ADAMTS16: variants seen among roughly 807,000 people sequenced by gnomAD.
ADAMTS16 encodes the protein ADAM metallopeptidase with thrombospondin type 1 motif 16.
ADAMTS16 carries 94 observed loss-of-function variants against 145.8 expected under a neutral mutation model. That is an observed-to-expected ratio of 0.64 (90% CI 0.55 to 0.77). The LOEUF (loss-of-function observed/expected upper bound fraction) is 0.77, where lower values mean the gene tolerates loss of function less well. ADAMTS16 is among the 30% of genes least tolerant of loss of function. ADAMTS16 has a pLI of 0.00. For synonymous variants in ADAMTS16, 659 were observed against 604.3 expected (o/e 1.09, Z -1.33); for missense variants, 1,585 against 1,591.5 (o/e 1.00, Z 0.07).
rs201095916 is a variant in ADAMTS16 at position 5,235,020 on chromosome 5, G to A, written c.1857G>A (p.Ser619=). Residue 619 remains serine, a synonymous_variant, in exon 13 of 23, where the codon TCG becomes TCA. Transcript: ENST00000274181. ...TTCAAAATACACATTCCAGGCCATC[G>A]CATGGAGGGAAGTTCTGTGAGGGCT... ...RSRLCTNPKP[S]HGGKFCEGST... is the part of the protein sequence containing the mutation. 2.1e-4 allele frequency: 323 copies of A among 1,569,552 alleles called. 4 individuals carry two copies. The Middle Eastern group carries it at 4.6e-3, about 22-fold the overall frequency.
In ADAMTS16 at chr5:5,200,019, C is replaced by T. The variant is rs372242327; in HGVS notation, c.1314-113C>T. Reference sequence around the variant, plus strand: ...GTGACTTTTATTTTTGCCTGCCTAGCATATAGGGGTGAGGGAGTCTCACAG... The same window carrying T: ...GTGACTTTTATTTTTGCCTGCCTAGTATATAGGGGTGAGGGAGTCTCACAG... On this transcript the variant is annotated intron_variant, in intron 8 of 22. Transcript: ENST00000274181. 2.3e-4 allele frequency: 292 copies of T among 1,260,910 alleles called. 4 individuals are homozygous for T. The African/African-American group carries it at 3.4e-3, about 15-fold the overall frequency. The allele number at this position is 1,260,910 out of a possible 1,614,324, so 78.1% of individuals were successfully genotyped here. A position where few individuals can be genotyped will look rare whatever the true frequency, so the allele number is the denominator to read the frequency against.
intron 14 of ADAMTS16, among the ~76,000 whole-genome samples, chr5:5,237,497 G>A (rs1402951638): frequency 6.6e-6 from 1 of 152,204 alleles, no homozygotes; most frequent in Non-Finnish European, 1.5e-5. Context: ...CAGAGGGAAA[G>A]TGGGGGACTG....
chr5:5,188,957 C>G (rs925863935), intron 6 of ADAMTS16, among the ~76,000 whole-genome samples: 1 of 152,198 alleles, frequency 6.6e-6, no homozygotes, highest in African/African-American at 2.4e-5. Flanking sequence ...TGATCGTACA[C>G]CTGTGTTAAC....
At chr5:5,251,423 A>T (rs946819505) in intron 17 of ADAMTS16, among the ~76,000 whole-genome samples, 1 of 152,226 alleles carries the variant, frequency 6.6e-6, no homozygotes, top group Non-Finnish European at 1.5e-5. Context: ...ACAGACTATA[A>T]ACAAATAATG....
chr5:5,174,108 C>G (rs1442867952), intron 3 of ADAMTS16, among the ~76,000 whole-genome samples: 1 of 152,190 alleles, frequency 6.6e-6, no homozygotes, highest in East Asian at 1.9e-4. Flanking sequence ...GAAGAATTCT[C>G]TTTATCATTT....
At position 5,306,670 on chromosome 5, in the gene ADAMTS16, C is replaced by A. The variant is rs1258193173; in HGVS notation, c.3353C>A (p.Pro1118His). The A allele has an allele frequency of 2.5e-6, 4 of 1,614,088 alleles. 1 individual carries two copies. The highest frequency in any genetic ancestry group is 1.7e-4 in the Middle Eastern group (1 of 6,010). The part of the protein sequence containing the change: ...ACAPLPCPRH[P>H]PFAAAGPSRG... ...GCCCCGCTTCCATGCCCCAGGCACCCCCCATTTGCTGCTGCGGGACCCTCG... is the reference window on the plus strand; with the variant it reads ...GCCCCGCTTCCATGCCCCAGGCACCACCCATTTGCTGCTGCGGGACCCTCG... The change falls in exon 21 of 23, where the codon CCC (proline) becomes CAC (histidine). Residue 1118 changes from proline to histidine, a missense_variant. Physicochemically the swap from Pro to His is moderately conservative, Grantham distance 77. Coordinates refer to ENST00000274181, the MANE Select transcript of ADAMTS16 (RefSeq NM_139056.4).
chr5:5,305,765 G>A (rs62340883), intron 20 of ADAMTS16, among the ~76,000 whole-genome samples: 16,726 of 152,232 alleles, frequency 0.11, 1,075 homozygotes, highest in Non-Finnish European at 0.15. Flanking sequence ...CACTGGAGCT[G>A]CACAGCATCG....
intron 17 of ADAMTS16, among the ~76,000 whole-genome samples, chr5:5,258,466 A>G (rs1176669499): frequency 6.6e-6 from 1 of 152,260 alleles, no homozygotes; most frequent in Admixed American, 6.5e-5. Context: ...GCTGAAATCC[A>G]GAAGCACAGC....
intron 3 of ADAMTS16, among the ~76,000 whole-genome samples, chr5:5,172,254 G>T (rs1735061319): frequency 6.6e-6 from 1 of 151,274 alleles, no homozygotes. Context: ...ATCTATTTTG[G>T]CTCTGATCTT....
chr5:5,173,266 G>C lies in ADAMTS16; in HGVS notation c.502-8778G>C, dbSNP rs1446887314. Among the ~76,000 whole-genome samples, 6 of 150,980 alleles carry C rather than the reference G, an allele frequency of 4.0e-5. No individual in the cohort carries two copies. In the East Asian group the frequency reaches 1.2e-3, roughly 29 times the overall value. ...TTACATTCAATTTTATTATTGATAA[G>C]TAAGGACTTACTCCTGCTATTTTGT... is the stretch of plus-strand genomic sequence containing the variant. On this transcript the variant is annotated intron_variant, in intron 3 of 22. Transcript: ENST00000274181.
chr5:5,292,364 G>A (rs1365953299), intron 18 of ADAMTS16, among the ~76,000 whole-genome samples: 1 of 152,008 alleles, frequency 6.6e-6, no homozygotes, highest in African/African-American at 2.4e-5. Flanking sequence ...GGGCATGGAG[G>A]TGCACGCCTG....
intron 21 of ADAMTS16, among the ~76,000 whole-genome samples, chr5:5,314,067 T>C (rs1733936748): frequency 6.6e-6 from 1 of 152,178 alleles, no homozygotes; most frequent in African/African-American, 2.4e-5. Flanking sequence ...ACGTCGGTTA[T>C]GTGGACAGCA....
chr5:5,189,995 G>A lies in ADAMTS16; in HGVS notation c.1072G>A (p.Ala358Thr), dbSNP rs1460464165. The change falls in exon 7 of 23, where the codon GCA (alanine) becomes ACA (threonine). Residue 358 changes from alanine to threonine, a missense_variant. Transcript: ENST00000274181. ...EQPGLVISHH[A>T]DHTLSSFCQW... ...GCCAGGACTGGTGATAAGTCACCAC[G>A]CAGACCACACCTTAAGTAGCTTCTG... 8.7e-6 allele frequency: 14 copies of A among 1,610,754 alleles called. No individual in the cohort carries two copies. The East Asian group carries it at 1.1e-4, about 13-fold the overall frequency.
Position 5,237,012 on chromosome 5 carries a change from T to C in ADAMTS16, c.2067T>C (p.Asp689=). The stretch of plus-strand genomic sequence containing the variant: ...TCTACTGTATCGCAGAAGGATTTGA[T>C]TTCTTCTTTTCTTTGTCAAATAAAG... ...CKLYCIAEGF[D]FFFSLSNKVK... Residue 689 remains aspartate, a synonymous_variant, in exon 14 of 23, where the codon GAT becomes GAC. Transcript: ENST00000274181. 1 of 1,614,050 alleles carries C rather than the reference T, an allele frequency of 6.2e-7. No homozygotes were observed. The highest frequency in any genetic ancestry group is 8.5e-7 in the Non-Finnish European group (1 of 1,179,978).
Position 5,239,860 on chromosome 5 carries a change from C to A in ADAMTS16, c.2458C>A (p.Arg820=), listed in dbSNP as rs747638541. ...KFSGTTFDYR[R]SYNEPENLIA... ...TTCGGGCACTACTTTCGACTACAGA[C>A]GGTCCTATAATGAGCCCGAGAACTT... Residue 820 remains arginine, a synonymous_variant, in exon 16 of 23, where the codon CGG becomes AGG. Coordinates refer to ENST00000274181, the MANE Select transcript of ADAMTS16 (RefSeq NM_139056.4). 4.3e-6 allele frequency: 7 copies of A among 1,614,092 alleles called. No individual in the cohort carries two copies. Among genetic ancestry groups the A allele is most frequent in the South Asian group, 3.3e-5 (3 of 91,066 alleles).
intron 11 of ADAMTS16, among the ~76,000 whole-genome samples, chr5:5,227,235 G>A (rs2126358006): frequency 6.6e-6 from 1 of 152,330 alleles, no homozygotes; most frequent in African/African-American, 2.4e-5. Flanking sequence ...CTGCTCCCCT[G>A]CATCTACTGC....
At chr5:5,227,988 GA>G (rs1271979999) in intron 11 of ADAMTS16, among the ~76,000 whole-genome samples, 1 of 152,124 alleles carries the variant, frequency 6.6e-6, no homozygotes, top group Non-Finnish European at 1.5e-5. Flanking sequence ...ACGTAGGATG[GA>G]AAAAATTCTG....
At chr5:5,215,864 G>A (rs1294602567) in intron 10 of ADAMTS16, among the ~76,000 whole-genome samples, 22 of 57,990 alleles carry the variant, frequency 3.8e-4, no homozygotes, top group African/African-American at 1.1e-3. Context: ...TATGTGGTGT[G>A]TATGTGTATA....
intron 18 of ADAMTS16, among the ~76,000 whole-genome samples, chr5:5,283,067 A>G (rs994465649): frequency 6.6e-6 from 1 of 152,134 alleles, no homozygotes; most frequent in Admixed American, 6.5e-5. Context: ...TTTTAATATC[A>G]TAAGTCAATA....
Sources: allele counts gnomAD v4.1 joint callset (sites outside exome capture counted in the v4.1 genomes callset), GRCh38; gene constraint gnomAD v4.1.1; transcripts MANE v1.5; gene names NCBI Gene and HGNC (gene_info 2026-07-23, HGNC 2026-07-21).